Variants in SHROOM4 observed in about 807,000 individuals in gnomAD.
SHROOM4 encodes the protein shroom family member 4.
In SHROOM4, 17 loss-of-function variants were observed where a neutral mutation model predicts 80.3. The ratio of observed to expected loss-of-function variants is 0.21; its 90% CI spans 0.14 to 0.32. The LOEUF is 0.32. Ranked by LOEUF, SHROOM4 falls within the 10% of genes least tolerant of loss-of-function variation. The pLI is 1.00. For synonymous variants in SHROOM4, 400 were observed against 437.5 expected, an observed-to-expected ratio of 0.91 and a Z score of 1.07; for missense variants, 993 against 1,140.3, an observed-to-expected ratio of 0.87 and a Z score of 1.86.
chrX:50,673,574 T>C (rs1169304033), intron 2 of SHROOM4, among the ~76,000 whole-genome samples: 2 of 110,887 alleles, frequency 1.8e-5, no homozygotes, highest in Non-Finnish European at 3.8e-5. Context: ...ATGTAAGTGG[T>C]CTAAACACAT....
At chrX:50,686,312 G>C (rs1262383934) in intron 2 of SHROOM4, among the ~76,000 whole-genome samples, 3 of 110,798 alleles carry the variant, frequency 2.7e-5, no homozygotes, top group African/African-American at 9.8e-5. Flanking sequence ...TGGGATTACA[G>C]GCGTGAGTCC....
chrX:50,702,663 T>TG (rs1286683561), intron 1 of SHROOM4, among the ~76,000 whole-genome samples: 1 of 112,010 alleles, frequency 8.9e-6, no homozygotes, highest in East Asian at 2.8e-4. Flanking sequence ...GCATAATTTT[T>TG]GGGGGGTGCT....
intron 1 of SHROOM4, among the ~76,000 whole-genome samples, chrX:50,770,444 GCATA>G (rs1935372500): frequency 8.9e-6 from 1 of 112,013 alleles, no homozygotes; most frequent in Non-Finnish European, 1.9e-5. Context: ...CAAGGCAGCA[GCATA>G]CATACACAGT....
chrX:50,697,677 C>T (rs1366690704), intron 1 of SHROOM4, among the ~76,000 whole-genome samples: 4 of 111,821 alleles, frequency 3.6e-5, no homozygotes, highest in African/African-American at 1.3e-4. Context: ...CCACACTCAA[C>T]ACCAAACAAG....
intron 1 of SHROOM4, among the ~76,000 whole-genome samples, chrX:50,713,069 T>C (rs1476818133): frequency 1.8e-5 from 2 of 110,146 alleles, no homozygotes; most frequent in Admixed American, 1.9e-4. Context: ...GGCAGGCGGG[T>C]ATCCACCCCA....
At chrX:50,690,280 C>T (rs1933187898) in intron 2 of SHROOM4, among the ~76,000 whole-genome samples, 1 of 111,367 alleles carries the variant, frequency 9.0e-6, no homozygotes, top group Non-Finnish European at 1.9e-5. Flanking sequence ...TTTAAAAAAT[C>T]TTTCTTTGTT....
At chrX:50,792,857 G>A (rs1353367531) in intron 1 of SHROOM4, among the ~76,000 whole-genome samples, 1 of 104,580 alleles carries the variant, frequency 9.6e-6, no homozygotes, top group Non-Finnish European at 1.9e-5. Context: ...CCATGGGTAG[G>A]AATGTAAAAT....
chrX:50,618,329 T>G (rs1263478849), intron 5 of SHROOM4, among the ~76,000 whole-genome samples: 13 of 4,603 alleles, frequency 2.8e-3, no homozygotes, highest in Non-Finnish European at 2.4e-3. Flanking sequence ...CCTTCCTTCC[T>G]TCCTTCCTTC....
Position 50,590,331 on chromosome X carries a change from CCGCCTCCTG to C in SHROOM4, c.*6355_*6363del, listed in dbSNP as rs1299771786. 7.7e-4 allele frequency among the ~76,000 whole-genome samples: 86 copies of C among 111,049 alleles called. 1 individual carries two copies. Among genetic ancestry groups the C allele is most frequent in the African/African-American group, 2.6e-3 (78 of 30,476 alleles). The stretch of plus-strand genomic sequence containing the variant: ...GCTCAATCTCTGCTCACTGCAAGCT[CCGCCTCCTG>C]GGTTCACGCCATTCTCCTGCCTCAG... On this transcript the variant is annotated 3_prime_UTR_variant, in exon 9 of 9. Transcript: ENST00000376020.
intron 1 of SHROOM4, among the ~76,000 whole-genome samples, chrX:50,795,732 T>C (rs1049461780): frequency 4.5e-5 from 5 of 112,091 alleles, no homozygotes; most frequent in African/African-American, 9.7e-5. Flanking sequence ...GCTCTGGAGA[T>C]AGCCTTTCTG....
Position 50,635,125 on chromosome X carries a change from C to G in SHROOM4, c.948G>C (p.Val316=), listed in dbSNP as rs1335257592. The change falls in exon 4 of 9, where the codon GTG becomes GTC. Residue 316 remains valine (V), a synonymous_variant. Transcript: ENST00000376020. ...PQKEKLSLEP[V]LPARNPNRFC... is the part of the protein sequence containing the mutation. ...ACCTATTAGGGTTCCTTGCGGGTAG[C>G]ACAGGCTCTAAGCTCAGTTTCTCCT... 8.3e-7 allele frequency: 1 copy of G among 1,211,342 alleles called. No homozygotes were observed. The highest frequency in any genetic ancestry group is 1.1e-6 in the Non-Finnish European group (1 of 895,215).
At chrX:50,748,429 G>C (rs186756346) in intron 1 of SHROOM4, among the ~76,000 whole-genome samples, 1 of 111,809 alleles carries the variant, frequency 8.9e-6, no homozygotes, top group East Asian at 2.8e-4. Flanking sequence ...GTTTTGTGTG[G>C]TTCCAAAGGC....
intron 1 of SHROOM4, among the ~76,000 whole-genome samples, chrX:50,739,068 C>T (rs1262442823): frequency 1.3e-4 from 15 of 111,606 alleles, no homozygotes; most frequent in African/African-American, 3.9e-4. Flanking sequence ...CTGACAAAAA[C>T]AAGAAATGGG....
At chrX:50,683,041 C>T (rs1365669903) in intron 2 of SHROOM4, among the ~76,000 whole-genome samples, 2 of 111,422 alleles carry the variant, frequency 1.8e-5, no homozygotes, top group East Asian at 5.6e-4. Flanking sequence ...GCTTCCTGCC[C>T]TCGAACATCA....
At chrX:50,583,630 C>G (rs1928703407), downstream of SHROOM4, among the ~76,000 whole-genome samples, 1 of 111,772 alleles carries the variant, frequency 8.9e-6, no homozygotes, top group Non-Finnish European at 1.9e-5. Context: ...CTTCTAGGAA[C>G]TCTGAGCAGC....
chrX:50,609,092 G>T (rs1929831193), intron 5 of SHROOM4, among the ~76,000 whole-genome samples: 1 of 110,094 alleles, frequency 9.1e-6, no homozygotes, highest in Non-Finnish European at 1.9e-5. Context: ...GCAAGACCCT[G>T]TCTCTAAATT....
intron 2 of SHROOM4, among the ~76,000 whole-genome samples, chrX:50,660,850 CA>C (rs782276021): frequency 2.5e-4 from 27 of 109,502 alleles, no homozygotes; most frequent in Middle Eastern, 4.8e-3. Context: ...CTCCTGGTCA[CA>C]AGCAATCCTC....
intron 2 of SHROOM4, among the ~76,000 whole-genome samples, chrX:50,644,651 T>C (rs1415312139): frequency 8.9e-6 from 1 of 112,817 alleles, no homozygotes; most frequent in Admixed American, 9.3e-5. Flanking sequence ...AGAGGGCTTA[T>C]GCAAACTCCC....
intron 5 of SHROOM4, among the ~76,000 whole-genome samples, chrX:50,614,316 C>A (rs1602367810): frequency 9.0e-6 from 1 of 111,424 alleles, no homozygotes; most frequent in African/African-American, 3.3e-5. Context: ...AAAATTATGT[C>A]CAGAAAAAAC....
Sources: gnomAD v4.1 joint callset for allele counts (sites outside exome capture counted in the v4.1 genomes callset) on GRCh38, gnomAD v4.1.1 for gene constraint, MANE v1.5 for transcripts, NCBI Gene and HGNC (gene_info 2026-07-23, HGNC 2026-07-21) for gene names.